The following MSRA variants were observed in gnomAD, a reference collection of about 807,000 sequenced individuals.
MSRA encodes the protein methionine sulfoxide reductase A, also known as mitochondrial peptide methionine sulfoxide reductase.
Under a neutral mutation model 31.3 loss-of-function variants are expected in MSRA, and 54 were observed. That is an observed-to-expected ratio of 1.73 (90% CI 1.39 to 2.17). MSRA has a LOEUF of 2.17. MSRA is among the 30% of genes most tolerant of loss of function. MSRA has a pLI of 0.00. For synonymous variants in MSRA, 169 were observed against 116.5 expected (o/e 1.45, Z -2.90); for missense variants, 507 against 300.9 (o/e 1.69, Z -5.07).
intron 1 of MSRA, among the ~76,000 whole-genome samples, chr8:10,147,741 G>C (rs746144803): frequency 2.6e-5 from 4 of 152,164 alleles, no homozygotes; most frequent in African/African-American, 9.7e-5. Flanking sequence ...GGAAGCCCAT[G>C]CTGCCTGGAG....
chr8:10,427,236 G>T (rs1175415644), intron 5 of MSRA, among the ~76,000 whole-genome samples: 1 of 152,170 alleles, frequency 6.6e-6, no homozygotes, highest in Non-Finnish European at 1.5e-5. Flanking sequence ...GTGGCCGTGT[G>T]CTCACATGCT....
chr8:10,173,552 C>T (rs748647330), intron 1 of MSRA, among the ~76,000 whole-genome samples: 22 of 152,180 alleles, frequency 1.4e-4, no homozygotes, highest in Non-Finnish European at 2.6e-4. Flanking sequence ...GCCCATAAAT[C>T]GAGGCTACAA....
chr8:10,245,253 A>G lies in MSRA; in HGVS notation c.331+30A>G, dbSNP rs758324867. On this transcript the variant is annotated intron_variant, in intron 3 of 5. Transcript: ENST00000317173. ...GAAGAATTTGCTTTATTGTATTACT[A>G]GGAGAAACAAGGGAGGGCTTGTCAC... is the stretch of plus-strand genomic sequence containing the variant. The G allele has an allele frequency of 6.9e-6, 11 of 1,603,972 alleles. No individual in the cohort carries two copies. The African/African-American group carries it at 9.4e-5, about 14-fold the overall frequency.
chr8:10,205,524 G>A (rs1380017103), intron 1 of MSRA, among the ~76,000 whole-genome samples: 3 of 152,276 alleles, frequency 2.0e-5, no homozygotes, highest in Non-Finnish European at 2.9e-5. Context: ...GTCAGATAGG[G>A]TGCACTTTGG....
chr8:10,101,419 G>T (rs938478128), intron 1 of MSRA, among the ~76,000 whole-genome samples: 3 of 152,006 alleles, frequency 2.0e-5, no homozygotes, highest in Non-Finnish European at 4.4e-5. Flanking sequence ...CCATTTTTAA[G>T]TGGTATCAGG....
At chr8:10,138,564 T>A (rs985498582) in intron 1 of MSRA, among the ~76,000 whole-genome samples, 1 of 152,250 alleles carries the variant, frequency 6.6e-6, no homozygotes. Context: ...TGACATTCTT[T>A]TATTCAATGT....
intron 5 of MSRA, among the ~76,000 whole-genome samples, chr8:10,369,559 C>T (rs531084312): frequency 1.3e-5 from 2 of 152,204 alleles, no homozygotes; most frequent in East Asian, 3.9e-4. Context: ...GTGCTTCATG[C>T]ATTAAAACTC....
chr8:10,351,514 A>C (rs150729641), intron 5 of MSRA, among the ~76,000 whole-genome samples: 2,217 of 152,228 alleles, frequency 0.015, 27 homozygotes, highest in Non-Finnish European at 0.02. Context: ...AGCCTCCCAA[A>C]GTGCTGGGAT....
At chr8:10,412,918 G>T (rs1364543582) in intron 5 of MSRA, among the ~76,000 whole-genome samples, 1 of 152,196 alleles carries the variant, frequency 6.6e-6, no homozygotes, top group Non-Finnish European at 1.5e-5. Context: ...AAAACCATTG[G>T]AAATTTCCCA....
chr8:10,312,973 C>G (rs2129133077), intron 4 of MSRA, among the ~76,000 whole-genome samples: 1 of 152,294 alleles, frequency 6.6e-6, no homozygotes, highest in East Asian at 1.9e-4. Flanking sequence ...AATGCCATTG[C>G]AATTTCTAAT....
chr8:10,284,041 G>C (rs1484737827), intron 3 of MSRA, among the ~76,000 whole-genome samples: 1 of 151,518 alleles, frequency 6.6e-6, no homozygotes, highest in Non-Finnish European at 1.5e-5. Flanking sequence ...TGGATCAAAT[G>C]GTAGTTCTAC....
chr8:10,404,701 C>T (rs1034845602), intron 5 of MSRA, among the ~76,000 whole-genome samples: 7 of 152,248 alleles, frequency 4.6e-5, no homozygotes, highest in East Asian at 3.9e-4. Context: ...CCCGGCCCTC[C>T]GTGCCTTCTC....
At chr8:10,347,988 T>G (rs1803891135) in intron 5 of MSRA, among the ~76,000 whole-genome samples, 1 of 152,224 alleles carries the variant, frequency 6.6e-6, no homozygotes, top group African/African-American at 2.4e-5. Context: ...CCCTAGCTGG[T>G]CTTTGCCATT....
At chr8:10,125,558 ACATTGGGGGC>A (rs1423642416) in intron 1 of MSRA, among the ~76,000 whole-genome samples, 2 of 152,144 alleles carry the variant, frequency 1.3e-5, no homozygotes, top group Non-Finnish European at 2.9e-5. Flanking sequence ...GAGGCTGAGA[ACATTGGGGGC>A]CAGGCTCCTG....
chr8:10,157,012 A>T (rs1218101975), intron 1 of MSRA, among the ~76,000 whole-genome samples: 1 of 151,390 alleles, frequency 6.6e-6, no homozygotes, highest in Non-Finnish European at 1.5e-5. Context: ...TCCCCACATT[A>T]CCAGGAGGAG....
intron 3 of MSRA, among the ~76,000 whole-genome samples, chr8:10,282,761 C>G (rs1799690049): frequency 6.6e-6 from 1 of 152,152 alleles, no homozygotes; most frequent in Non-Finnish European, 1.5e-5. Flanking sequence ...GAAAATATAC[C>G]TTCCACTCTT....
intron 5 of MSRA, among the ~76,000 whole-genome samples, chr8:10,339,428 A>G (rs1424828151): frequency 6.6e-6 from 1 of 151,720 alleles, no homozygotes; most frequent in Non-Finnish European, 1.5e-5. Context: ...AGATGTCAAC[A>G]TGTACAGCAC....
rs573070156 is a variant in MSRA, at chr8:10,251,698, A to G, written c.331+6475A>G. ...ACCATCTTCCCCACACCCACATCCA[A>G]GCAGCTATGCAAGACAGATTAGTTC... On this transcript the variant is annotated intron_variant, in intron 3 of 5. Transcript: ENST00000317173. Among the ~76,000 whole-genome samples the G allele has an allele frequency of 8.5e-5, 13 of 152,280 alleles. No homozygotes were observed. The South Asian group carries it at 2.7e-3, about 32-fold the overall frequency.
At chr8:10,263,633 C>A (rs1428837913) in intron 3 of MSRA, among the ~76,000 whole-genome samples, 1 of 152,182 alleles carries the variant, frequency 6.6e-6, no homozygotes, top group African/African-American at 2.4e-5. Flanking sequence ...GAAACTGGCC[C>A]TGGCTTCATG....
Sources: gnomAD v4.1 joint callset for allele counts (sites outside exome capture counted in the v4.1 genomes callset) on GRCh38, gnomAD v4.1.1 for gene constraint, MANE v1.5 for transcripts, NCBI Gene and HGNC (gene_info 2026-07-23, HGNC 2026-07-21) for gene names.